Variants in SBNO2 observed in about 807,000 individuals in gnomAD.
SBNO2 encodes the protein protein strawberry notch homolog 2.
Under a neutral mutation model 146.3 loss-of-function variants are expected in SBNO2, and 89 were observed. The ratio of observed to expected loss-of-function variants is 0.61; its 90% CI spans 0.51 to 0.73. SBNO2 has a LOEUF of 0.73. SBNO2 is among the 30% of genes least tolerant of loss of function. The probability of loss-of-function intolerance (pLI) is 0.00; values close to 1 mark genes in which losing one functional copy is unlikely to be tolerated. For missense variants in SBNO2, 2,092 were observed against 2,003.7 expected (o/e 1.04, Z -0.84); for synonymous variants, 1,147 against 892.6 (o/e 1.29, Z -5.08).
chr19:1,123,641 T>C lies in SBNO2; in HGVS notation c.523-2A>G. 1 of 1,610,258 alleles carries C rather than the reference T, an allele frequency of 6.2e-7. No individual in the cohort carries two copies. Among genetic ancestry groups the C allele is most frequent in the Non-Finnish European group, 8.5e-7 (1 of 1,178,582 alleles). ...TGGCTGGCTCTGCACACTCTGCTCC[T>C]GCGTGCGTGGCGGGAGCTCAGCGGA... On this transcript the variant is annotated splice_acceptor_variant, in intron 6 of 31. Transcript: ENST00000361757. LOFTEE classifies it high-confidence loss of function.
At chr19:1,111,442 C>A in intron 24 of SBNO2, 64 bp downstream of exon 24, 1 of 1,143,976 alleles carries the variant, frequency 8.7e-7, no homozygotes, top group South Asian at 1.3e-5. Flanking sequence ...GCCCCAGCTG[C>A]TCTGGAGCCC....
At chr19:1,111,777 G>T (rs2145191557) in intron 23 of SBNO2, among the ~76,000 whole-genome samples, 163 bp from the exon 24 acceptor site, 1 of 149,144 alleles carries the variant, frequency 6.7e-6, no homozygotes, top group African/African-American at 2.5e-5. Context: ...TCCTCCCCGG[G>T]GGTCCTAGAC....
chr19:1,159,286 G>A (rs1458491886), intron 1 of SBNO2, among the ~76,000 whole-genome samples: 5 of 151,838 alleles, frequency 3.3e-5, no homozygotes, highest in South Asian at 2.1e-4. Flanking sequence ...CAACTCGGCC[G>A]CCAGGACCGT....
In SBNO2 at chr19:1,158,282, C is replaced by A. The variant is rs973561140; in HGVS notation, c.-126-3880G>T. Among the ~76,000 whole-genome samples the A allele has an allele frequency of 6.6e-6, 1 of 152,198 alleles. No individual in the cohort carries two copies. The highest frequency in any genetic ancestry group is 1.5e-5 in the Non-Finnish European group (1 of 68,032). ...ACCCGAGCCGTCTGCAGATGGGGAG[C>A]TGTGTCCTCGGAGCCCGGTTCTCCT... On this transcript the variant is annotated intron_variant, in intron 1 of 31. Transcript: ENST00000361757. This position sits in a 1 kb window ranked among gnomAD's most constrained non-coding sequence, Gnocchi z 9.9.
In SBNO2 at chr19:1,119,079, T is replaced by C. The variant is rs2079867521; in HGVS notation, c.1459A>G (p.Thr487Ala). ...IARQLSFSGVTFRIEEIPLAP... is the reference protein window; with the variant it reads ...IARQLSFSGVAFRIEEIPLAP... ...AGCGGGATCTCCTCGATGCGGAAGGTGACGCCGGAGAAGCTGAGCTGGCGT... is the reference window on the plus strand; with the variant it reads ...AGCGGGATCTCCTCGATGCGGAAGGCGACGCCGGAGAAGCTGAGCTGGCGT... Residue 487 changes from threonine to alanine, a missense_variant, in exon 14 of 32, where the codon ACC becomes GCC. Physicochemically the swap from Thr to Ala is moderately conservative, Grantham distance 58. Coordinates refer to ENST00000361757, the MANE Select transcript of SBNO2 (RefSeq NM_014963.3). 1 of 1,605,828 alleles carries C rather than the reference T, an allele frequency of 6.2e-7. No individual in the cohort carries two copies. Among genetic ancestry groups the C allele is most frequent in the African/African-American group, 1.3e-5 (1 of 74,844 alleles).
intron 4 of SBNO2, among the ~76,000 whole-genome samples, chr19:1,146,937 T>C (rs888039558): frequency 6.6e-6 from 1 of 152,024 alleles, no homozygotes; most frequent in Non-Finnish European, 1.5e-5. Context: ...TGCTAAGGGG[T>C]TGGGACTCCA....
At chr19:1,123,487 A>G (rs551665032) in intron 7 of SBNO2, 47 bp downstream of exon 7, 74 of 1,543,448 alleles carry the variant, frequency 4.8e-5, no homozygotes, top group Admixed American at 2.9e-4. Context: ...CGGTCCCACA[A>G]AAGGGTTTGA....
intron 4 of SBNO2, among the ~76,000 whole-genome samples, chr19:1,138,529 G>A (rs1290444619): frequency 6.6e-6 from 1 of 152,046 alleles, no homozygotes. Context: ...ATGAGCCCAA[G>A]AGAAACGAAA....
At chr19:1,113,418 G>A (rs111442456) in intron 19 of SBNO2, 117 bp downstream of exon 19, 27,406 of 971,116 alleles carry the variant, frequency 0.028, 474 homozygotes, top group Non-Finnish European at 0.033. Flanking sequence ...CTCCTCGCAG[G>A]GCCGCGGAGA....
chr19:1,132,022 T>C, intron 4 of SBNO2: 1 of 1,277,948 alleles, frequency 7.8e-7, no homozygotes, highest in Admixed American at 3.3e-5. Flanking sequence ...CCGGCCGTCC[T>C]GAATGGGGTC....
At position 1,127,757 on chromosome 19, in the gene SBNO2, G is replaced by A. The variant is rs1179463718; in HGVS notation, c.288C>T (p.Ser96=). Residue 96 remains serine (S), a synonymous_variant, in exon 5 of 32, where the codon TCC becomes TCT. Transcript: ENST00000361757. The stretch of plus-strand genomic sequence containing the variant: ...AGATGTTGGAGAAGTCCTCAAAATA[G>A]GAGGAGTCCTGGAAGACAAGGCCAG... ...PKTCDFAQDS[S]YFEDFSNISI... is the part of the protein sequence containing the mutation. 1 of 1,613,160 alleles carries A rather than the reference G, an allele frequency of 6.2e-7. No homozygotes were observed. The highest frequency in any genetic ancestry group is 1.3e-5 in the African/African-American group (1 of 74,920).
intron 4 of SBNO2, among the ~76,000 whole-genome samples, chr19:1,142,220 C>A (rs2080147118): frequency 1.4e-5 from 1 of 73,940 alleles, no homozygotes; most frequent in Admixed American, 1.3e-4. Flanking sequence ...CATGATCAAC[C>A]CTCCCTCAAT....
In SBNO2 at chr19:1,126,917, G is replaced by A. The variant is rs1031967318; in HGVS notation, c.441+687C>T. Among the ~76,000 whole-genome samples, 6 of 152,310 alleles carry A rather than the reference G, an allele frequency of 3.9e-5. No homozygotes were observed. The highest frequency in any genetic ancestry group is 1.4e-4 in the African/African-American group (6 of 41,576). On this transcript the variant is annotated intron_variant, in intron 5 of 31. Transcript: ENST00000361757. The surrounding 1 kb of genome is among the most constrained non-coding windows in gnomAD (Gnocchi z 4.4). ...GGCACGGCTAGAGGCTAGGCCCGAA[G>A]AACCTGGGGGCCCTGCTGCCCTACA...
At chr19:1,169,329 G>A (rs1391707784) in intron 1 of SBNO2, among the ~76,000 whole-genome samples, 3 of 152,236 alleles carry the variant, frequency 2.0e-5, no homozygotes, top group East Asian at 3.8e-4. Context: ...CACAGGGCAC[G>A]AGTGCGGCCC....
chr19:1,143,701 G>C (rs552333183), intron 4 of SBNO2, among the ~76,000 whole-genome samples: 5 of 152,028 alleles, frequency 3.3e-5, no homozygotes, highest in African/African-American at 1.2e-4. Context: ...TCTCTCTCTG[G>C]CTCTCACCCT....
intron 1 of SBNO2, among the ~76,000 whole-genome samples, chr19:1,172,689 G>C (rs945320039): frequency 2.0e-5 from 3 of 151,824 alleles, no homozygotes; most frequent in Non-Finnish European, 2.9e-5. Context: ...CTGCCCACGG[G>C]GTCTGCGGCC....
intron 12 of SBNO2, 128 bp downstream of exon 12, chr19:1,119,778 C>T: frequency 1.1e-6 from 1 of 938,722 alleles, no homozygotes; most frequent in African/African-American, 1.6e-5. Flanking sequence ...CGCAGAGGTG[C>T]CCCAGTGTCC....
At chr19:1,152,074 G>A (rs1014027574) in intron 2 of SBNO2, among the ~76,000 whole-genome samples, 9 of 152,314 alleles carry the variant, frequency 5.9e-5, no homozygotes, top group East Asian at 1.9e-4. Flanking sequence ...CGAATGTGAC[G>A]GAACCCGGAA....
At chr19:1,121,401 G>A (rs2079899541) in intron 11 of SBNO2, among the ~76,000 whole-genome samples, 1 of 152,148 alleles carries the variant, frequency 6.6e-6, no homozygotes, top group South Asian at 2.1e-4. Context: ...TTCTGTTTCT[G>A]GCCAGTCTGA....
Sources: gnomAD v4.1 joint callset for allele counts (sites outside exome capture counted in the v4.1 genomes callset) on GRCh38, gnomAD v4.1.1 for gene constraint, Gnocchi (gnomAD v3.1) non-coding constraint, MANE v1.5 for transcripts, NCBI Gene and HGNC (gene_info 2026-07-23, HGNC 2026-07-21) for gene names.